SYT1: variants seen among roughly 807,000 people sequenced by gnomAD.
SYT1 encodes the protein synaptotagmin 1, also known as synaptotagmin-1.
SYT1 carries 8 observed loss-of-function variants against 44.8 expected under a neutral mutation model. The observed-to-expected ratio is 0.18, with a 90% CI of 0.10 to 0.32. The LOEUF is 0.32. SYT1 is among the 10% of genes least tolerant of loss of function. The pLI, the probability that SYT1 is intolerant of heterozygous loss-of-function variation, is 1.00. For synonymous variants in SYT1, 154 were observed against 188.8 expected, an observed-to-expected ratio of 0.82 and a Z score of 1.51; for missense variants, 286 against 509.3, an observed-to-expected ratio of 0.56 and a Z score of 4.22.
intron 3 of SYT1, among the ~76,000 whole-genome samples, chr12:79,070,886 GA>G (rs1236358526): frequency 1.3e-5 from 2 of 151,280 alleles, no homozygotes; most frequent in African/African-American, 2.4e-5. Flanking sequence ...AAGTTGAAAG[GA>G]AAAAAAAGAA....
chr12:79,026,234 G>C (rs752159943), intron 2 of SYT1, among the ~76,000 whole-genome samples: 3 of 151,556 alleles, frequency 2.0e-5, no homozygotes, highest in South Asian at 2.1e-4. Context: ...TTATTAACTT[G>C]TTGGGCATAG....
At chr12:79,151,838 G>A (rs968404320) in intron 3 of SYT1, among the ~76,000 whole-genome samples, 2 of 152,158 alleles carry the variant, frequency 1.3e-5, no homozygotes, top group African/African-American at 4.8e-5. Context: ...CGAGGGATGT[G>A]CTGACGAGAG....
intron 3 of SYT1, among the ~76,000 whole-genome samples, chr12:79,135,188 G>T (rs1305413934): frequency 6.6e-6 from 1 of 151,732 alleles, no homozygotes; most frequent in Non-Finnish European, 1.5e-5. Flanking sequence ...GTGCCATGTT[G>T]GTGTGCTGCA....
chr12:79,417,481 C>T (rs1437196626), intron 9 of SYT1, among the ~76,000 whole-genome samples: 1 of 152,096 alleles, frequency 6.6e-6, no homozygotes, highest in Admixed American at 6.5e-5. Context: ...AGCCCAGCCC[C>T]CTTGGCTCCT....
chr12:78,875,243 G>A (rs1259339058), intron 1 of SYT1, among the ~76,000 whole-genome samples: 1 of 151,568 alleles, frequency 6.6e-6, no homozygotes, highest in Non-Finnish European at 1.5e-5. Context: ...TAAGTATGAT[G>A]ATGTTCCTAT....
intron 3 of SYT1, among the ~76,000 whole-genome samples, chr12:79,214,275 T>A (rs1220803955): frequency 6.6e-6 from 1 of 152,144 alleles, no homozygotes; most frequent in Non-Finnish European, 1.5e-5. Flanking sequence ...GATTAAAAAA[T>A]AAGAATTAAC....
intron 2 of SYT1, among the ~76,000 whole-genome samples, chr12:78,978,487 C>T (rs1044948542): frequency 1.3e-5 from 2 of 152,202 alleles, no homozygotes; most frequent in African/African-American, 4.8e-5. Flanking sequence ...GTGACTATTA[C>T]ATATGTTAGA....
intron 3 of SYT1, among the ~76,000 whole-genome samples, chr12:79,123,080 AAG>A (rs1213285666): frequency 6.6e-6 from 1 of 152,232 alleles, no homozygotes; most frequent in African/African-American, 2.4e-5. Flanking sequence ...TTATGATGGA[AAG>A]AATAAAATAT....
At chr12:78,899,352 T>C (rs1213782265) in intron 1 of SYT1, among the ~76,000 whole-genome samples, 1 of 151,922 alleles carries the variant, frequency 6.6e-6, no homozygotes, top group Non-Finnish European at 1.5e-5. Flanking sequence ...AGAATGTCAA[T>C]TAGAGGAATT....
intron 1 of SYT1, among the ~76,000 whole-genome samples, chr12:78,942,028 T>C (rs1408645667): frequency 2.0e-5 from 3 of 152,232 alleles, no homozygotes; most frequent in African/African-American, 7.2e-5. Flanking sequence ...TTTTGGCCTC[T>C]TTTGTACAAC....
At chr12:79,232,491 TGTC>T (rs1311535303) in intron 4 of SYT1, among the ~76,000 whole-genome samples, 7 of 152,264 alleles carry the variant, frequency 4.6e-5, no homozygotes, top group African/African-American at 1.7e-4. Context: ...TTATACAAAT[TGTC>T]TCCTCTGCCT....
chr12:79,077,450 T>C (rs1876735151), intron 3 of SYT1, among the ~76,000 whole-genome samples: 1 of 152,156 alleles, frequency 6.6e-6, no homozygotes, highest in Non-Finnish European at 1.5e-5. Flanking sequence ...CTTTCCATTG[T>C]CTCTTGTTGA....
At chr12:79,348,935 GGAAAGAAAAAGAAAGAAAAAAAGAAAA>G (rs1882726340) in intron 8 of SYT1, among the ~76,000 whole-genome samples, 1 of 130,608 alleles carries the variant, frequency 7.7e-6, no homozygotes, top group African/African-American at 3.2e-5. Context: ...AAGAAAGAAA[GGAAAGAAAAAGAAAGAAAAAAAGAAAA>G]GAAAGAAAAA....
intron 9 of SYT1, among the ~76,000 whole-genome samples, chr12:79,354,534 A>C (rs1199504511): frequency 6.6e-6 from 1 of 152,180 alleles, no homozygotes; most frequent in Non-Finnish European, 1.5e-5. Context: ...AAAAAGTGCT[A>C]CAGCTGAGCT....
intron 3 of SYT1, among the ~76,000 whole-genome samples, chr12:79,217,208 C>T (rs1040728478): frequency 6.6e-6 from 1 of 152,112 alleles, no homozygotes; most frequent in Non-Finnish European, 1.5e-5. Context: ...GTTAAATCTA[C>T]ACAGCAAATA....
intron 1 of SYT1, among the ~76,000 whole-genome samples, chr12:78,970,336 T>C: frequency 6.6e-6 from 1 of 152,076 alleles, no homozygotes; most frequent in Non-Finnish European, 1.5e-5. Context: ...GAAAGCAAGG[T>C]TATGGGAACT....
At chr12:79,335,747 T>C (rs1882062531) in intron 8 of SYT1, among the ~76,000 whole-genome samples, 1 of 152,180 alleles carries the variant, frequency 6.6e-6, no homozygotes. Flanking sequence ...CTTTTCCTTA[T>C]CTGAGACTTT....
intron 4 of SYT1, among the ~76,000 whole-genome samples, chr12:79,266,266 G>C (rs1878121062): frequency 6.6e-6 from 1 of 152,128 alleles, no homozygotes; most frequent in Non-Finnish European, 1.5e-5. Context: ...AAAGCTACTA[G>C]AAAACAAAGA....
intron 9 of SYT1, among the ~76,000 whole-genome samples, chr12:79,426,527 C>G (rs1869459095): frequency 6.6e-6 from 1 of 152,144 alleles, no homozygotes; most frequent in African/African-American, 2.4e-5. Context: ...TCCCTCTTCT[C>G]TAAGAAAATT....
Sources: allele counts gnomAD v4.1 joint callset (sites outside exome capture counted in the v4.1 genomes callset), GRCh38; gene constraint gnomAD v4.1.1; transcripts MANE v1.5; gene names NCBI Gene and HGNC (gene_info 2026-07-23, HGNC 2026-07-21).